Variants in PPP6R2 observed in about 807,000 individuals in gnomAD.
PPP6R2 encodes the protein serine/threonine-protein phosphatase 6 regulatory subunit 2.
In PPP6R2, 62 loss-of-function variants were observed where a neutral mutation model predicts 100.2. The observed-to-expected ratio is 0.62, with a 90% confidence interval of 0.50 to 0.76. The LOEUF (loss-of-function observed/expected upper bound fraction) is 0.76, where lower values mean the gene tolerates loss of function less well. Ranked by LOEUF, PPP6R2 falls within the 30% of genes least tolerant of loss-of-function variation. PPP6R2 has a pLI of 0.00. For missense variants in PPP6R2, 1,142 were observed against 1,276.3 expected, an observed-to-expected ratio of 0.89 and a Z score of 1.60; for synonymous variants, 525 against 514.7, an observed-to-expected ratio of 1.02 and a Z score of -0.27.
chr22:50,377,189 C>T (rs888167487), intron 2 of PPP6R2, among the ~76,000 whole-genome samples: 4 of 152,062 alleles, frequency 2.6e-5, no homozygotes, highest in Non-Finnish European at 2.9e-5. Context: ...TGAGGTGGCT[C>T]ATGCTTGTAA....
intron 2 of PPP6R2, among the ~76,000 whole-genome samples, chr22:50,374,486 C>T (rs1307982079): frequency 6.6e-6 from 1 of 152,098 alleles, no homozygotes; most frequent in Non-Finnish European, 1.5e-5. Flanking sequence ...AGCTGGAATT[C>T]TAGAATGAAA....
intron 18 of PPP6R2, 107 bp from the exon 19 acceptor site, chr22:50,438,492 G>A (rs1273951256): frequency 1.7e-5 from 25 of 1,458,002 alleles, no homozygotes; most frequent in Non-Finnish European, 2.1e-5. Context: ...CTCCTCTCTC[G>A]AGACGATCTG....
intron 22 of PPP6R2, chr22:50,443,607 A>G: frequency 3.7e-6 from 2 of 547,278 alleles, no homozygotes; most frequent in Non-Finnish European, 6.5e-6. Context: ...CTTGATGATG[A>G]GCAGGATCTG....
At chr22:50,393,478 A>G (rs1014352826) in intron 2 of PPP6R2, 17 of 985,208 alleles carry the variant, frequency 1.7e-5, no homozygotes, top group Non-Finnish European at 2.0e-5. Context: ...TTCGCCTAAC[A>G]GAACTACAGA....
chr22:50,362,124 C>G (rs971531947), intron 1 of PPP6R2, among the ~76,000 whole-genome samples: 2 of 152,138 alleles, frequency 1.3e-5, no homozygotes, highest in Admixed American at 6.6e-5. Context: ...GCATTGGGCT[C>G]CAGGAAGGGG....
chr22:50,410,469 C>CT lies in PPP6R2; in HGVS notation c.414+3619dup, dbSNP rs200178930. ...ATCTTTGTATTATTTTGAGTGGTGT[C>CT]TTTTTTTTTTTTTTTTTTTTTTTTT... On this transcript the variant is annotated intron_variant, in intron 4 of 23. Coordinates refer to ENST00000612753, the MANE Select transcript of PPP6R2 (RefSeq NM_001242898.2). 7.0e-3 allele frequency among the ~76,000 whole-genome samples: 724 copies of CT among 103,132 alleles called. 10 individuals carry two copies. The highest frequency in any genetic ancestry group is 0.01 in the Non-Finnish European group (522 of 49,966). 67.7% of individuals were successfully genotyped at this position (103,132 alleles called of 152,430 possible).
At chr22:50,333,005 G>A in the PPP6R2 span, among the ~76,000 whole-genome samples, 8 of 152,178 alleles carry the variant, frequency 5.3e-5, no homozygotes, top group South Asian at 1.5e-3. Context: ...ATTGACTTAG[G>A]AGCGAGGTGT....
At chr22:50,386,152 G>GT (rs1392471731) in intron 2 of PPP6R2, among the ~76,000 whole-genome samples, 68 of 142,440 alleles carry the variant, frequency 4.8e-4, no homozygotes, top group African/African-American at 1.1e-3. Context: ...GTTTTGTTTT[G>GT]TTTTTTTTGA....
chr22:50,418,127 AGTAT>A (rs1405883792), intron 6 of PPP6R2, among the ~76,000 whole-genome samples: 2 of 152,218 alleles, frequency 1.3e-5, no homozygotes, highest in Non-Finnish European at 2.9e-5. Context: ...TTTAAAATAT[AGTAT>A]CAGTAACATG....
chr22:50,402,319 C>T (rs1407072331), intron 3 of PPP6R2, among the ~76,000 whole-genome samples: 2 of 144,514 alleles, frequency 1.4e-5, no homozygotes, highest in Non-Finnish European at 3.0e-5. Flanking sequence ...GCTGGGGGCA[C>T]CCCAGTTTCT....
Position 50,431,373 on chromosome 22 carries a change from G to C in PPP6R2, c.1326G>C (p.Met442Ile). ...CCGCCAGCCTCCCTGACAACACAATGGTGACCCACGTGAGTCCAAGAAGCA... is the reference window on the plus strand; with the variant it reads ...CCGCCAGCCTCCCTGACAACACAATCGTGACCCACGTGAGTCCAAGAAGCA... ...QPAASLPDNTMVTHLFQKCCL... is the reference protein window; with the variant it reads ...QPAASLPDNTIVTHLFQKCCL... Residue 442 changes from methionine to isoleucine, a missense_variant, in exon 11 of 24, where the codon ATG becomes ATC. This residue lies in a region of PPP6R2 where 592 missense variants were observed against 758.9 expected (regional missense o/e 0.78). Coordinates refer to ENST00000612753, the MANE Select transcript of PPP6R2 (RefSeq NM_001242898.2). This position sits in a 1 kb window ranked among gnomAD's most constrained non-coding sequence, Gnocchi z 4.8. 1 of 1,612,130 alleles carries C rather than the reference G, an allele frequency of 6.2e-7. No homozygotes were observed. Among genetic ancestry groups the C allele is most frequent in the Non-Finnish European group, 8.5e-7 (1 of 1,179,868 alleles).
At chr22:50,427,325 A>T (rs2062332745) in intron 10 of PPP6R2, among the ~76,000 whole-genome samples, 1 of 152,122 alleles carries the variant, frequency 6.6e-6, no homozygotes, top group Middle Eastern at 3.2e-3. Flanking sequence ...AGTAAGTGAT[A>T]AGTGTGAGTT....
At chr22:50,352,907 A>G (rs1286048064) in intron 1 of PPP6R2, among the ~76,000 whole-genome samples, 1 of 151,494 alleles carries the variant, frequency 6.6e-6, no homozygotes, top group Non-Finnish European at 1.5e-5. Flanking sequence ...TCGCTACAAA[A>G]TAAAAGTTTA....
rs763968955 is a variant in PPP6R2 at position 50,431,295 on chromosome 22, G to A, written c.1248G>A (p.Arg416=). 1.5e-5 allele frequency: 24 copies of A among 1,613,458 alleles called. No homozygotes were observed. In the South Asian group the frequency reaches 2.4e-4, roughly 16 times the overall value. Residue 416 remains arginine (R), a synonymous_variant, in exon 11 of 24, where the codon AGG becomes AGA. Coordinates refer to ENST00000612753, the MANE Select transcript of PPP6R2 (RefSeq NM_001242898.2). The surrounding 1 kb of genome is among the most constrained non-coding windows in gnomAD (Gnocchi z 4.8). The stretch of plus-strand genomic sequence containing the variant: ...CAGAAGCCAGCGGATCCGAGAGCAG[G>A]GTGGAGCCTCCGCATGAGAACGGGA... The part of the protein sequence containing the change: ...ERTEASGSES[R]VEPPHENGNR...
chr22:50,349,411 A>C (rs1427910578), intron 1 of PPP6R2, among the ~76,000 whole-genome samples: 1 of 145,528 alleles, frequency 6.9e-6, no homozygotes, highest in Non-Finnish European at 1.5e-5. Flanking sequence ...ACTCGTGCCT[A>C]TAATCCCAGC....
intron 1 of PPP6R2, among the ~76,000 whole-genome samples, chr22:50,368,466 G>A (rs1168418161): frequency 6.6e-6 from 1 of 152,110 alleles, no homozygotes; most frequent in African/African-American, 2.4e-5. Context: ...TCTCTGTATG[G>A]CCTGGTTTTT....
chr22:50,394,435 ATT>A (rs57373861), intron 3 of PPP6R2, among the ~76,000 whole-genome samples: 9 of 148,832 alleles, frequency 6.0e-5, no homozygotes, highest in African/African-American at 9.9e-5. Flanking sequence ...TCTCTATTAA[ATT>A]TTTTTTTTTA....
At chr22:50,437,172 G>A (rs2064503872) in intron 15 of PPP6R2, 104 bp downstream of exon 15, 1 of 1,174,118 alleles carries the variant, frequency 8.5e-7, no homozygotes, top group Non-Finnish European at 1.2e-6. Flanking sequence ...ACTAGCAAAG[G>A]GGAGCGGGGG....
At chr22:50,333,371 C>G in the PPP6R2 span, among the ~76,000 whole-genome samples, 1 of 149,436 alleles carries the variant, frequency 6.7e-6, no homozygotes, top group African/African-American at 2.5e-5. Flanking sequence ...GAGTCTCGCT[C>G]TGTCGCCCAG....
Sources: allele counts gnomAD v4.1 joint callset (sites outside exome capture counted in the v4.1 genomes callset), GRCh38; gene constraint gnomAD v4.1.1; regional missense constraint gnomAD v4.1.1; non-coding constraint Gnocchi (gnomAD v3.1); transcripts MANE v1.5; gene names NCBI Gene and HGNC (gene_info 2026-07-23, HGNC 2026-07-21).